RGS7: variants seen among roughly 807,000 people sequenced by gnomAD.
RGS7 encodes the protein regulator of G-protein signaling 7.
In RGS7, 27 loss-of-function variants were observed where a neutral mutation model predicts 81.1. The observed-to-expected ratio is 0.33, with a 90% confidence interval of 0.25 to 0.46. RGS7 has a LOEUF of 0.46. RGS7 is among the 20% of genes least tolerant of loss of function. The pLI is 1.00. For synonymous variants in RGS7, 208 were observed against 207.7 expected, an observed-to-expected ratio of 1.00 and a Z score of -0.01; for missense variants, 396 against 607.4, an observed-to-expected ratio of 0.65 and a Z score of 3.66.
At chr1:240,940,442 T>G (rs763016709) in intron 4 of RGS7, among the ~76,000 whole-genome samples, 1 of 152,138 alleles carries the variant, frequency 6.6e-6, no homozygotes, top group African/African-American at 2.4e-5. Context: ...TTACACCTGT[T>G]AGGGAATATA....
At chr1:241,221,056 A>AG (rs1491350050) in intron 2 of RGS7, among the ~76,000 whole-genome samples, 20 of 141,862 alleles carry the variant, frequency 1.4e-4, no homozygotes, top group South Asian at 1.0e-3. Context: ...AGAAAGAAAG[A>AG]AAGAGAGAGA....
intron 2 of RGS7, among the ~76,000 whole-genome samples, chr1:241,263,048 G>A (rs1022509379): frequency 2.0e-5 from 3 of 151,464 alleles, no homozygotes; most frequent in African/African-American, 2.4e-5. Context: ...GCAGTGAGCC[G>A]AGATCACACC....
chr1:241,242,440 G>A (rs1398251373), intron 2 of RGS7, among the ~76,000 whole-genome samples: 1 of 152,164 alleles, frequency 6.6e-6, no homozygotes, highest in Admixed American at 6.5e-5. Context: ...ATAAACATGT[G>A]TGTACAAGTA....
chr1:241,155,781 C>T lies in RGS7; in HGVS notation c.79-57019G>A, dbSNP rs368378956. Among the ~76,000 whole-genome samples the T allele has an allele frequency of 7.2e-5, 11 of 151,924 alleles. No homozygotes were observed. In the East Asian group the frequency reaches 2.1e-3, roughly 29 times the overall value. On this transcript the variant is annotated intron_variant, in intron 2 of 18. Transcript: ENST00000440928. ...GGAGAAACTGCATTTTACAACTGAA[C>T]ACTGGGTTTCAAGTAGAGTGATTTT...
intron 2 of RGS7, among the ~76,000 whole-genome samples, chr1:241,145,450 T>G (rs558133686): frequency 6.6e-6 from 1 of 152,322 alleles, no homozygotes; most frequent in South Asian, 2.1e-4. Flanking sequence ...ATTTCCACTT[T>G]AGGATAAAGG....
In RGS7 at chr1:241,254,718, C is replaced by T. The variant is rs181275907; in HGVS notation, c.78+100981G>A. ...TTGTATAATTCTTATGAATAAGTTACAAGATGTCAACTATTTATTCTCAGA... is the reference window on the plus strand; with the variant it reads ...TTGTATAATTCTTATGAATAAGTTATAAGATGTCAACTATTTATTCTCAGA... On this transcript the variant is annotated intron_variant, in intron 2 of 18. Transcript: ENST00000440928. Among the ~76,000 whole-genome samples, 53 of 152,220 alleles carry T rather than the reference C, an allele frequency of 3.5e-4. 1 individual carries two copies. The Middle Eastern group carries it at 0.01, about 29-fold the overall frequency.
intron 2 of RGS7, among the ~76,000 whole-genome samples, chr1:241,332,025 T>G (rs1261977462): frequency 1.3e-5 from 2 of 152,226 alleles, no homozygotes; most frequent in Non-Finnish European, 2.9e-5. Context: ...GAATTTCCTT[T>G]CCAGCCACTG....
intron 4 of RGS7, among the ~76,000 whole-genome samples, chr1:240,952,153 C>A (rs1412287536): frequency 6.6e-6 from 1 of 151,690 alleles, no homozygotes; most frequent in Non-Finnish European, 1.5e-5. Context: ...TCACAGAGAA[C>A]AAATAATAAT....
chr1:240,961,863 G>A (rs1681496566), intron 4 of RGS7, among the ~76,000 whole-genome samples: 1 of 151,896 alleles, frequency 6.6e-6, no homozygotes, highest in Non-Finnish European at 1.5e-5. Flanking sequence ...CTTTATGCAA[G>A]CTCAGAGAGA....
chr1:241,145,764 A>T (rs756021626), intron 2 of RGS7, among the ~76,000 whole-genome samples: 6 of 152,162 alleles, frequency 3.9e-5, no homozygotes, highest in Admixed American at 6.5e-5. Flanking sequence ...ACAAATAAAT[A>T]AATTAAATAA....
At chr1:241,202,019 C>CAG (rs1481819265) in intron 2 of RGS7, among the ~76,000 whole-genome samples, 3 of 125,370 alleles carry the variant, frequency 2.4e-5, no homozygotes, top group South Asian at 5.0e-4. Flanking sequence ...CAGACACACA[C>CAG]ACACACACAC....
chr1:241,281,200 T>A (rs1376802756), intron 2 of RGS7, among the ~76,000 whole-genome samples: 1 of 152,236 alleles, frequency 6.6e-6, no homozygotes, highest in African/African-American at 2.4e-5. Flanking sequence ...CACTTACAGA[T>A]GGTACGTGGC....
chr1:240,823,174 T>C (rs563491993), intron 10 of RGS7: 299 of 1,097,994 alleles, frequency 2.7e-4, no homozygotes, highest in Middle Eastern at 1.2e-3. Flanking sequence ...GAAGTCCTCT[T>C]TGAAGGTATG....
At chr1:241,098,641 A>T in intron 3 of RGS7, 25 bp downstream of exon 3, 5 of 1,500,152 alleles carry the variant, frequency 3.3e-6, no homozygotes, top group Non-Finnish European at 4.6e-6. Context: ...AGGAGAAAAC[A>T]GAACTGTGCT....
intron 14 of RGS7, among the ~76,000 whole-genome samples, chr1:240,808,712 C>T (rs771711630): frequency 2.0e-5 from 3 of 151,982 alleles, no homozygotes; most frequent in Non-Finnish European, 4.4e-5. Flanking sequence ...ATTGTAATAG[C>T]TTAATAGCAT....
intron 6 of RGS7, among the ~76,000 whole-genome samples, chr1:240,871,413 TA>T (rs2148034840): frequency 6.6e-6 from 1 of 152,290 alleles, no homozygotes; most frequent in South Asian, 2.1e-4. Context: ...CAAACAGGAA[TA>T]CTATTTACTC....
chr1:241,331,540 T>C (rs1190061723), intron 2 of RGS7, among the ~76,000 whole-genome samples: 1 of 152,152 alleles, frequency 6.6e-6, no homozygotes, highest in Non-Finnish European at 1.5e-5. Flanking sequence ...ATTGATATTA[T>C]ATTATTATTA....
intron 6 of RGS7, among the ~76,000 whole-genome samples, chr1:240,930,222 C>CTTTTTTT (rs10676730): frequency 9.7e-5 from 11 of 113,872 alleles, no homozygotes; most frequent in African/African-American, 1.7e-4. Context: ...TCTTTTTTAG[C>CTTTTTTT]TTTTTTTTTT....
chr1:240,963,251 T>C (rs1259963596), intron 4 of RGS7, among the ~76,000 whole-genome samples: 1 of 152,114 alleles, frequency 6.6e-6, no homozygotes, highest in Non-Finnish European at 1.5e-5. Flanking sequence ...GTCTATGAGA[T>C]GCCCATGAAA....
Sources: allele counts gnomAD v4.1 joint callset (sites outside exome capture counted in the v4.1 genomes callset), GRCh38; gene constraint gnomAD v4.1.1; transcripts MANE v1.5; gene names NCBI Gene and HGNC (gene_info 2026-07-23, HGNC 2026-07-21).